The following NDUFAF7 variants were observed in gnomAD, a reference collection of about 807,000 sequenced individuals.
The protein encoded by NDUFAF7 is protein arginine methyltransferase NDUFAF7, mitochondrial.
Under a neutral mutation model 47.2 loss-of-function variants are expected in NDUFAF7, and 48 were observed. That is an observed-to-expected ratio of 1.02 (90% CI 0.81 to 1.29). The LOEUF (loss-of-function observed/expected upper bound fraction) is 1.29. Among genes scored for constraint, NDUFAF7 ranks in the 50% most tolerant of loss-of-function variants. The pLI is 0.00. For missense variants in NDUFAF7, 635 were observed against 537.6 expected (o/e 1.18, Z -1.79); for synonymous variants, 217 against 190.0 (o/e 1.14, Z -1.17).
chr2:37,262,362 C>T, the NDUFAF7 span, among the ~76,000 whole-genome samples: 1 of 152,150 alleles, frequency 6.6e-6, no homozygotes, highest in Non-Finnish European at 1.5e-5. Context: ...CTCTGAGGCA[C>T]AGATTGTTTC....
At chr2:37,257,694 A>G (rs1218992959), downstream of NDUFAF7, among the ~76,000 whole-genome samples, 2 of 149,374 alleles carry the variant, frequency 1.3e-5, no homozygotes, top group African/African-American at 2.5e-5. Flanking sequence ...AAAAAAAAAA[A>G]GTTACAGTAT....
At chr2:37,250,284 T>G (rs903136540), downstream of NDUFAF7, among the ~76,000 whole-genome samples, 1 of 152,144 alleles carries the variant, frequency 6.6e-6, no homozygotes, top group African/African-American at 2.4e-5. Flanking sequence ...GAAAGATGAG[T>G]TAAACGTCCA....
At chr2:37,253,299 G>A (rs1667660834), downstream of NDUFAF7, 9 of 1,612,738 alleles carry the variant, frequency 5.6e-6, no homozygotes, top group East Asian at 2.2e-5. Flanking sequence ...GTAATGTAAC[G>A]TTCTCCAATG....
At chr2:37,250,480 A>ACC (rs1212734743), downstream of NDUFAF7, 6 of 152,264 alleles carry the variant, frequency 3.9e-5, no homozygotes, top group East Asian at 1.2e-3. Context: ...AAGAAATGAG[A>ACC]CCTCCAGATA....
chr2:37,257,231 G>C (rs1177619709), downstream of NDUFAF7, among the ~76,000 whole-genome samples: 2 of 152,152 alleles, frequency 1.3e-5, no homozygotes, highest in Non-Finnish European at 2.9e-5. Flanking sequence ...TTATGAAATA[G>C]AGTATGCTGC....
chr2:37,266,928 G>A, the NDUFAF7 span, among the ~76,000 whole-genome samples: 3 of 152,100 alleles, frequency 2.0e-5, no homozygotes, highest in Admixed American at 1.3e-4. Context: ...CTAGATGACC[G>A]CCCCCAAGGG....
chr2:37,236,296 T>TTG, intron 3 of NDUFAF7, 120 bp downstream of exon 3: 2 of 858,318 alleles, frequency 2.3e-6, no homozygotes, highest in African/African-American at 1.7e-5. Flanking sequence ...GTTTTAACTT[T>TTG]ATAGTAGTTT....
chr2:37,260,326 A>G, the NDUFAF7 span: 1 of 1,609,610 alleles, frequency 6.2e-7, no homozygotes, highest in Non-Finnish European at 8.5e-7. Flanking sequence ...TACTACAAAG[A>G]CTCGTTCTGG....
At chr2:37,269,546 G>A in the NDUFAF7 span, 1 of 1,351,010 alleles carries the variant, frequency 7.4e-7, no homozygotes, top group Non-Finnish European at 1.1e-6. Flanking sequence ...CAAAACAGCT[G>A]GCAGATGTTT....
rs1558506191 is a variant in NDUFAF7 at position 37,247,448 on chromosome 2, T to C, written c.937-8T>C. 2 of 1,613,998 alleles carry C rather than the reference T, an allele frequency of 1.2e-6. No homozygotes were observed. The highest frequency in any genetic ancestry group is 1.7e-5 in the Admixed American group (1 of 60,008). On this transcript the variant is annotated splice_region_variant and splice_polypyrimidine_tract_variant and intron_variant, in intron 8 of 9. Transcript: ENST00000002125. ...AAAGGGCAAAAATCTGATTTCTTTA[T>C]GTTCAAGGGGTTTTGCGACCACAAG...
At chr2:37,233,823 T>TAGA (rs1344101530) in intron 2 of NDUFAF7, among the ~76,000 whole-genome samples, 3 of 152,138 alleles carry the variant, frequency 2.0e-5, no homozygotes, top group Non-Finnish European at 4.4e-5. Flanking sequence ...GACCCTTTAA[T>TAGA]AGAAATCAGG....
chr2:37,238,227 C>T (rs1001354041), intron 4 of NDUFAF7, among the ~76,000 whole-genome samples: 1 of 151,718 alleles, frequency 6.6e-6, no homozygotes, highest in Non-Finnish European at 1.5e-5. Context: ...GTCAGGAGTT[C>T]GAGACCAGCC....
chr2:37,246,871 G>C (rs1479367321), intron 8 of NDUFAF7, among the ~76,000 whole-genome samples: 1 of 152,026 alleles, frequency 6.6e-6, no homozygotes, highest in Non-Finnish European at 1.5e-5. Flanking sequence ...ATTCTCAGGT[G>C]ATTTTTTTTT....
downstream of NDUFAF7, among the ~76,000 whole-genome samples, chr2:37,249,559 A>AG (rs1491533068): frequency 2.1e-4 from 1 of 4,776 alleles, no homozygotes; most frequent in Non-Finnish European, 3.9e-4. Context: ...CCTGTGATAG[A>AG]CACACACACA....
chr2:37,268,183 G>A, the NDUFAF7 span: 1 of 378,976 alleles, frequency 2.6e-6, no homozygotes, highest in Non-Finnish European at 5.3e-6. Context: ...TATCTGACTT[G>A]CTCTTCTCTA....
downstream of NDUFAF7, among the ~76,000 whole-genome samples, chr2:37,257,671 G>GA (rs1164110574): frequency 0.02 from 573 of 28,488 alleles, 9 homozygotes; most frequent in African/African-American, 0.042. Flanking sequence ...TGTCTCAAAA[G>GA]AAAAAAAAAA....
At chr2:37,267,391 G>C in the NDUFAF7 span, 1 of 1,317,378 alleles carries the variant, frequency 7.6e-7, no homozygotes, top group South Asian at 1.3e-5. Context: ...ATTCTTACCA[G>C]CCTCTTTAAT....
At chr2:37,245,832 A>C (rs1384395235) in intron 7 of NDUFAF7, among the ~76,000 whole-genome samples, 1 of 152,226 alleles carries the variant, frequency 6.6e-6, no homozygotes, top group African/African-American at 2.4e-5. Context: ...AAGAGATTAA[A>C]ATGTCTTTGT....
the NDUFAF7 span, chr2:37,269,599 GGCTGTAGTT>G: frequency 6.3e-7 from 1 of 1,592,696 alleles, no homozygotes. Flanking sequence ...ATATGCAAAC[GGCTGTAGTT>G]GCTTACCTCC....
Sources: gnomAD v4.1 joint callset for allele counts (sites outside exome capture counted in the v4.1 genomes callset) on GRCh38, gnomAD v4.1.1 for gene constraint, MANE v1.5 for transcripts, NCBI Gene and HGNC (gene_info 2026-07-23, HGNC 2026-07-21) for gene names.